SAE1: variants seen among roughly 807,000 people sequenced by gnomAD.
SAE1 encodes SUMO-activating enzyme subunit 1.
Under a neutral mutation model 40.6 loss-of-function variants are expected in SAE1, and 11 were observed. The observed-to-expected ratio is 0.27, with a 90% CI of 0.17 to 0.45. The LOEUF (loss-of-function observed/expected upper bound fraction) is 0.45, where lower values mean the gene tolerates loss of function less well. Among genes scored for constraint, SAE1 ranks in the 20% least tolerant of loss-of-function variants. The pLI is 1.00. For synonymous variants in SAE1, 155 were observed against 154.3 expected, an observed-to-expected ratio of 1.00 and a Z score of -0.03; for missense variants, 373 against 427.3, an observed-to-expected ratio of 0.87 and a Z score of 1.12.
intron 1 of SAE1, among the ~76,000 whole-genome samples, chr19:47,134,292 G>A (rs918482377): frequency 3.3e-5 from 5 of 151,174 alleles, no homozygotes; most frequent in African/African-American, 1.2e-4. Context: ...AGGCAGACAC[G>A]TCAGGAGAAT....
At chr19:47,144,922 C>T (rs748740027) in intron 2 of SAE1, among the ~76,000 whole-genome samples, 5 of 152,310 alleles carry the variant, frequency 3.3e-5, no homozygotes, top group Non-Finnish European at 7.3e-5. Flanking sequence ...ACCTCCGCTT[C>T]CCGGGCTCAA....
rs888814361 is a variant in SAE1, at chr19:47,143,475, A to T, written c.99-19A>T. On this transcript the variant is annotated intron_variant, in intron 1 of 8. Transcript: ENST00000270225. ...GCTCACTGTTCTGTATCATCAGGTT[A>T]ACAATGTTTGTCTTACAGGCTGCGG... 3.8e-6 allele frequency: 6 copies of T among 1,583,910 alleles called. No individual in the cohort carries two copies. The South Asian group carries it at 6.6e-5, about 18-fold the overall frequency.
chr19:47,141,569 A>AGT (rs1448196499), intron 1 of SAE1, among the ~76,000 whole-genome samples: 1 of 151,826 alleles, frequency 6.6e-6, no homozygotes, highest in Non-Finnish European at 1.5e-5. Context: ...GGGGAGGGGG[A>AGT]GTGCTTGCTG....
At chr19:47,186,702 A>G (rs920228835) in intron 6 of SAE1, among the ~76,000 whole-genome samples, 10 of 152,114 alleles carry the variant, frequency 6.6e-5, no homozygotes, top group African/African-American at 2.4e-4. Flanking sequence ...GTGAGATGCA[A>G]ATAGCGAGGC....
chr19:47,163,267 A>G (rs1260052420), intron 5 of SAE1, among the ~76,000 whole-genome samples: 10 of 149,380 alleles, frequency 6.7e-5, no homozygotes, highest in Admixed American at 4.0e-4. Flanking sequence ...AAAAAAAAGA[A>G]AATTGAAATT....
chr19:47,140,452 A>G (rs562504147), intron 1 of SAE1, among the ~76,000 whole-genome samples: 2 of 151,966 alleles, frequency 1.3e-5, no homozygotes, highest in South Asian at 2.1e-4. Flanking sequence ...GGGTTTCACC[A>G]TGTTGGCCAG....
chr19:47,149,724 T>C (rs2058275979), intron 2 of SAE1, among the ~76,000 whole-genome samples: 1 of 152,112 alleles, frequency 6.6e-6, no homozygotes, highest in African/African-American at 2.4e-5. Context: ...AAAAAAAGTT[T>C]AAAGTCATTT....
intron 6 of SAE1, among the ~76,000 whole-genome samples, chr19:47,193,057 C>CTT (rs869046931): frequency 3.9e-4 from 53 of 137,022 alleles, no homozygotes; most frequent in Non-Finnish European, 5.7e-4. Context: ...TGGTCACAGC[C>CTT]TTTTTTTTTT....
chr19:47,148,866 G>A lies in SAE1; in HGVS notation c.211-1336G>A, dbSNP rs192960037. ...GGACCTCAGGTGATCTGCCTGCCTC[G>A]GCCTCCCAAAGTGCTGGGATTACAA... On this transcript the variant is annotated intron_variant, in intron 2 of 8. Transcript: ENST00000270225. Among the ~76,000 whole-genome samples, 29 of 152,120 alleles carry A rather than the reference G, an allele frequency of 1.9e-4. 1 individual carries two copies. Among genetic ancestry groups the A allele is most frequent in the Admixed American group, 1.4e-3 (21 of 15,244 alleles).
intron 6 of SAE1, among the ~76,000 whole-genome samples, chr19:47,170,503 CTTTTT>C (rs34836827): frequency 1.2e-5 from 1 of 83,910 alleles, no homozygotes; most frequent in Non-Finnish European, 2.2e-5. Flanking sequence ...CGCCCCCCGC[CTTTTT>C]TTTTTTTTTT....
At chr19:47,160,329 C>A (rs1029120713) in intron 5 of SAE1, among the ~76,000 whole-genome samples, 2 of 141,874 alleles carry the variant, frequency 1.4e-5, no homozygotes, top group African/African-American at 5.2e-5. Context: ...TTAAGCGATT[C>A]TCCTGCGTTA....
intron 6 of SAE1, among the ~76,000 whole-genome samples, chr19:47,174,022 G>C (rs1350272241): frequency 6.6e-6 from 1 of 151,894 alleles, no homozygotes; most frequent in Non-Finnish European, 1.5e-5. Flanking sequence ...CTGACCTCGT[G>C]ATCCACCCGC....
At chr19:47,194,788 C>T (rs939246948) in intron 6 of SAE1, among the ~76,000 whole-genome samples, 5 of 137,926 alleles carry the variant, frequency 3.6e-5, no homozygotes, top group East Asian at 4.3e-4. Flanking sequence ...TACGCTCTAT[C>T]GCACAGGCAA....
At chr19:47,183,606 G>GC (rs2058524866) in intron 6 of SAE1, among the ~76,000 whole-genome samples, 1 of 152,052 alleles carries the variant, frequency 6.6e-6, no homozygotes, top group Non-Finnish European at 1.5e-5. Flanking sequence ...AACCTGCCTT[G>GC]CTTTTTTTCT....
rs57883574 is a variant in SAE1 at position 47,173,359 on chromosome 19, T to A, written c.733+3436T>A. Among the ~76,000 whole-genome samples, 532 of 152,248 alleles carry A rather than the reference T, an allele frequency of 3.5e-3. 3 individuals are homozygous for A. Among genetic ancestry groups the A allele is most frequent in the African/African-American group, 0.013 (520 of 41,544 alleles). ...CCACAGAAGTCATATAGCTACTGTT[T>A]CTTCCTCAACCACCTGTCCACCCCT... is the stretch of plus-strand genomic sequence containing the variant. On this transcript the variant is annotated intron_variant, in intron 6 of 8. Coordinates refer to ENST00000270225, the MANE Select transcript of SAE1 (RefSeq NM_005500.3).
chr19:47,150,141 T>A (rs1446502294), intron 2 of SAE1, 61 bp from the exon 3 acceptor site: 11 of 1,228,086 alleles, frequency 9.0e-6, no homozygotes, highest in African/African-American at 1.6e-5. Context: ...TTAAAGATTC[T>A]TTTTAAGATT....
chr19:47,186,316 C>A (rs2058544512), intron 6 of SAE1, among the ~76,000 whole-genome samples: 1 of 151,436 alleles, frequency 6.6e-6, no homozygotes, highest in Admixed American at 6.6e-5. Context: ...TTGGGGTGCT[C>A]TATTGGTAAG....
intron 5 of SAE1, among the ~76,000 whole-genome samples, chr19:47,155,562 G>T (rs952435639): frequency 1.3e-5 from 2 of 151,974 alleles, no homozygotes; most frequent in Non-Finnish European, 2.9e-5. Flanking sequence ...CTGGGTTCAA[G>T]CAATTCTCCT....
chr19:47,167,726 A>G (rs761906469), intron 5 of SAE1, among the ~76,000 whole-genome samples: 1 of 152,000 alleles, frequency 6.6e-6, no homozygotes, highest in Non-Finnish European at 1.5e-5. Flanking sequence ...ACACCTCTGT[A>G]AGTTTGAAAT....
Sources: gnomAD v4.1 joint callset for allele counts (sites outside exome capture counted in the v4.1 genomes callset) on GRCh38, gnomAD v4.1.1 for gene constraint, MANE v1.5 for transcripts, NCBI Gene and HGNC (gene_info 2026-07-23, HGNC 2026-07-21) for gene names.